The following MAML3 variants were observed in gnomAD, a reference collection of about 807,000 sequenced individuals.
The protein encoded by MAML3 is mastermind like transcriptional coactivator 3.
A neutral mutation model predicts 101.9 loss-of-function variants in MAML3; 27 were observed. The observed-to-expected ratio is 0.27, with a 90% CI of 0.20 to 0.37. MAML3 has a LOEUF of 0.37. MAML3 is among the 10% of genes least tolerant of loss of function. MAML3 has a pLI of 1.00. For synonymous variants in MAML3, 501 were observed against 555.9 expected, an observed-to-expected ratio of 0.90 and a Z score of 1.39; for missense variants, 1,316 against 1,444.9, an observed-to-expected ratio of 0.91 and a Z score of 1.45.
At chr4:139,974,634 C>T (rs1224537733) in intron 1 of MAML3, among the ~76,000 whole-genome samples, 1 of 152,050 alleles carries the variant, frequency 6.6e-6, no homozygotes, top group Non-Finnish European at 1.5e-5. Flanking sequence ...AGAGATGATT[C>T]CCGAGACTCT....
intron 2 of MAML3, among the ~76,000 whole-genome samples, chr4:139,852,403 G>GTTTTTTTTT (rs67349785): frequency 1.5e-5 from 1 of 68,326 alleles, no homozygotes; most frequent in Non-Finnish European, 2.7e-5. Flanking sequence ...TCAGAAGACT[G>GTTTTTTTTT]TTTTTTTTTT....
At chr4:140,003,254 C>T (rs924069494) in intron 1 of MAML3, among the ~76,000 whole-genome samples, 7 of 152,180 alleles carry the variant, frequency 4.6e-5, no homozygotes, top group African/African-American at 1.7e-4. Flanking sequence ...TTGGAAGTGA[C>T]AGCAGCATTG....
intron 1 of MAML3, among the ~76,000 whole-genome samples, chr4:139,912,697 C>G (rs931198007): frequency 6.6e-6 from 1 of 152,238 alleles, no homozygotes. Context: ...TGCCGTTTGA[C>G]GGCGGAGGCA....
chr4:139,950,765 A>G (rs976642137), intron 1 of MAML3, among the ~76,000 whole-genome samples: 4 of 152,170 alleles, frequency 2.6e-5, no homozygotes, highest in African/African-American at 9.7e-5. Flanking sequence ...GTAAGTCCCC[A>G]AGTAGGGGCC....
At chr4:140,012,030 C>T (rs979835462) in intron 1 of MAML3, among the ~76,000 whole-genome samples, 1 of 150,638 alleles carries the variant, frequency 6.6e-6, no homozygotes, top group East Asian at 1.9e-4. Context: ...AAAAAGTCTA[C>T]AGATGTTTTA....
At chr4:139,922,018 G>C (rs1394619935) in intron 1 of MAML3, among the ~76,000 whole-genome samples, 1 of 152,150 alleles carries the variant, frequency 6.6e-6, no homozygotes, top group Non-Finnish European at 1.5e-5. Flanking sequence ...ATCTGATTCG[G>C]CTCAGCATCA....
intron 1 of MAML3, among the ~76,000 whole-genome samples, chr4:139,927,588 C>A (rs1453613758): frequency 6.6e-6 from 1 of 152,150 alleles, no homozygotes; most frequent in Admixed American, 6.5e-5. Context: ...CTTTGGAATT[C>A]TACTTAAGAA....
chr4:140,005,222 T>G (rs965234721), intron 1 of MAML3, among the ~76,000 whole-genome samples: 1 of 152,212 alleles, frequency 6.6e-6, no homozygotes, highest in Non-Finnish European at 1.5e-5. Context: ...AGAAACTATC[T>G]GGAGCAGGTT....
At chr4:140,046,155 A>G (rs1727179904) in intron 1 of MAML3, among the ~76,000 whole-genome samples, 1 of 152,216 alleles carries the variant, frequency 6.6e-6, no homozygotes, top group Admixed American at 6.5e-5. Context: ...AGATGAGGTC[A>G]TGTTACTAGT....
chr4:139,847,234 T>A (rs1026278571), intron 2 of MAML3, among the ~76,000 whole-genome samples: 5 of 152,086 alleles, frequency 3.3e-5, no homozygotes, highest in African/African-American at 1.2e-4. Flanking sequence ...CAAAAATATA[T>A]ATATGGTTCT....
At chr4:139,996,036 A>T (rs762209188) in intron 1 of MAML3, among the ~76,000 whole-genome samples, 1 of 151,748 alleles carries the variant, frequency 6.6e-6, no homozygotes, top group African/African-American at 2.4e-5. Context: ...TCTTTTACTC[A>T]TGGGTTATTC....
intron 1 of MAML3, among the ~76,000 whole-genome samples, chr4:140,138,227 G>A (rs529681560): frequency 6.6e-6 from 1 of 152,286 alleles, no homozygotes; most frequent in African/African-American, 2.4e-5. Context: ...GTATTTCTGA[G>A]TGTGGTTATT....
At chr4:139,928,423 G>A (rs76445821) in intron 1 of MAML3, among the ~76,000 whole-genome samples, 1 of 152,154 alleles carries the variant, frequency 6.6e-6, no homozygotes, top group Non-Finnish European at 1.5e-5. Flanking sequence ...CATATTAAAA[G>A]AATACAGAGA....
At chr4:139,999,874 G>C (rs1734888796) in intron 1 of MAML3, among the ~76,000 whole-genome samples, 1 of 152,176 alleles carries the variant, frequency 6.6e-6, no homozygotes, top group Non-Finnish European at 1.5e-5. Context: ...TAAGAACTCA[G>C]TAAATGACCC....
chr4:140,019,049 A>T (rs1461560525), intron 1 of MAML3, among the ~76,000 whole-genome samples: 1 of 148,500 alleles, frequency 6.7e-6, no homozygotes, highest in East Asian at 1.9e-4. Flanking sequence ...TTAAACCTCA[A>T]CCTCTTGACA....
intron 1 of MAML3, among the ~76,000 whole-genome samples, chr4:140,083,263 TCCC>T (rs1403855367): frequency 1.3e-5 from 2 of 152,170 alleles, no homozygotes; most frequent in East Asian, 3.9e-4. Flanking sequence ...GTAAAACATT[TCCC>T]CTATCTTTCC....
chr4:139,769,138 G>A (rs1729924687), intron 2 of MAML3, among the ~76,000 whole-genome samples: 1 of 152,186 alleles, frequency 6.6e-6, no homozygotes, highest in Non-Finnish European at 1.5e-5. Context: ...CCTACCATTA[G>A]CTTGCAGAAC....
intron 1 of MAML3, among the ~76,000 whole-genome samples, chr4:140,091,446 A>C (rs1047104045): frequency 6.6e-6 from 1 of 151,522 alleles, no homozygotes; most frequent in Non-Finnish European, 1.5e-5. Flanking sequence ...CTGTTCCTGA[A>C]ATGACTAATT....
At chr4:140,080,857 A>G (rs1229493615) in intron 1 of MAML3, among the ~76,000 whole-genome samples, 1 of 152,198 alleles carries the variant, frequency 6.6e-6, no homozygotes, top group Non-Finnish European at 1.5e-5. Flanking sequence ...GTAAAATCCC[A>G]CTCAATCTTT....
Sources: allele counts gnomAD v4.1 joint callset (sites outside exome capture counted in the v4.1 genomes callset), GRCh38; gene constraint gnomAD v4.1.1; transcripts MANE v1.5; gene names NCBI Gene and HGNC (gene_info 2026-07-23, HGNC 2026-07-21).